The following LAMC3 variants were observed in gnomAD, a reference collection of about 807,000 sequenced individuals.
LAMC3 encodes the protein laminin subunit gamma-3.
A neutral mutation model predicts 173.8 loss-of-function variants in LAMC3; 128 were observed. That is an observed-to-expected ratio of 0.74 (90% CI 0.64 to 0.85). The LOEUF is 0.85. Ranked by LOEUF, LAMC3 falls within the 40% of genes least tolerant of loss-of-function variation. The pLI is 0.00. For missense variants in LAMC3, 2,022 were observed against 2,156.0 expected (o/e 0.94, Z 1.23); for synonymous variants, 897 against 909.1 (o/e 0.99, Z 0.24).
intron 1 of LAMC3, among the ~76,000 whole-genome samples, chr9:131,019,589 G>T (rs1256902000): frequency 1.3e-5 from 2 of 152,184 alleles, no homozygotes; most frequent in East Asian, 1.9e-4. Context: ...TATGTGCCAC[G>T]TGCTTTGCCA....
At chr9:131,061,615 C>T (rs1236688870) in intron 13 of LAMC3, among the ~76,000 whole-genome samples, 1 of 152,218 alleles carries the variant, frequency 6.6e-6, no homozygotes, top group African/African-American at 2.4e-5. Context: ...ATGTGCAAAG[C>T]AGAACCACCT....
At chr9:131,031,853 C>T (rs182485625) in intron 2 of LAMC3, among the ~76,000 whole-genome samples, 192 bp from the exon 3 acceptor site, 280 of 152,340 alleles carry the variant, frequency 1.8e-3, no homozygotes, top group Non-Finnish European at 2.8e-3. Flanking sequence ...AGTAGCCTAG[C>T]ACCCAGGTTG....
intron 1 of LAMC3, among the ~76,000 whole-genome samples, chr9:131,022,751 TA>T (rs1254386865): frequency 6.6e-6 from 1 of 151,942 alleles, no homozygotes; most frequent in African/African-American, 2.4e-5. Flanking sequence ...TTTATTTATT[TA>T]TTTTTTGTAG....
chr9:131,026,934 A>T lies in LAMC3; in HGVS notation c.678+345A>T, dbSNP rs1220336261. ...GCCATGTTGGCCAGGCTGGTCTTGA[A>T]CTCCTGACATTAAGCGATCCACCTG... On this transcript the variant is annotated intron_variant, in intron 2 of 27. Coordinates refer to ENST00000361069, the MANE Select transcript of LAMC3 (RefSeq NM_006059.4). This position sits in a 1 kb window ranked among gnomAD's most constrained non-coding sequence, Gnocchi z 4.8. 6.6e-6 allele frequency among the ~76,000 whole-genome samples: 1 copy of T among 150,564 alleles called. No individual in the cohort carries two copies. Among genetic ancestry groups the T allele is most frequent in the Non-Finnish European group, 1.5e-5 (1 of 67,630 alleles).
Position 131,079,726 on chromosome 9 carries a change from A to G in LAMC3, c.3927+428A>G, listed in dbSNP as rs139274028. On this transcript the variant is annotated intron_variant, in intron 23 of 27. Transcript: ENST00000361069. ...GAAAAAAGAAGAAGTAGCTCTGTCC[A>G]TCCCTCTGGTGCCTCCTGCAAAACT... 4.4e-3 allele frequency among the ~76,000 whole-genome samples: 665 copies of G among 152,048 alleles called. 2 individuals are homozygous for G. The highest frequency in any genetic ancestry group is 0.031 in the Middle Eastern group (9 of 294).
chr9:131,012,061 A>ACG (rs1491293697), intron 1 of LAMC3, among the ~76,000 whole-genome samples: 1 of 138,594 alleles, frequency 7.2e-6, no homozygotes, highest in Admixed American at 7.1e-5. Flanking sequence ...ACACACACAC[A>ACG]TACACACACA....
chr9:131,089,813 G>A (rs1488979718), intron 27 of LAMC3, among the ~76,000 whole-genome samples: 1 of 152,102 alleles, frequency 6.6e-6, no homozygotes, highest in Admixed American at 6.6e-5. Flanking sequence ...TGCTCTACAC[G>A]TTGTCTGGAC....
At chr9:131,014,040 C>A (rs1427858343) in intron 1 of LAMC3, among the ~76,000 whole-genome samples, 1 of 152,230 alleles carries the variant, frequency 6.6e-6, no homozygotes, top group Non-Finnish European at 1.5e-5. Context: ...GGCTGGTTAG[C>A]CTCCATCCAC....
intron 16 of LAMC3, among the ~76,000 whole-genome samples, chr9:131,069,413 A>G (rs1830000314): frequency 6.6e-6 from 1 of 152,106 alleles, no homozygotes. Flanking sequence ...TCACCTGTAG[A>G]GTTGGGCTGC....
In LAMC3 at chr9:131,067,006, G is replaced by T. The variant is rs1829947511; in HGVS notation, c.2394G>T (p.Leu798=). ...VCDDGFFGDP[L]GLFGHPQPCH... ...ATGATGGCTTTTTTGGGGACCCGCT[G>T]GGGCTCTTTGGGCACCCCCAGCCCT... The change falls in exon 14 of 28, where the codon CTG becomes CTT. Residue 798 remains leucine, a synonymous_variant. Coordinates refer to ENST00000361069, the MANE Select transcript of LAMC3 (RefSeq NM_006059.4). 6.2e-7 allele frequency: 1 copy of T among 1,613,872 alleles called. No individual in the cohort carries two copies. Among genetic ancestry groups the T allele is most frequent in the Non-Finnish European group, 8.5e-7 (1 of 1,180,012 alleles).
At chr9:131,087,439 T>C in intron 25 of LAMC3, 37 bp from the exon 26 acceptor site, 1 of 1,613,168 alleles carries the variant, frequency 6.2e-7, no homozygotes. Flanking sequence ...CTTGCTGCAC[T>C]CACTTCTTCT....
chr9:131,009,181 G>A lies in LAMC3; in HGVS notation c.-34G>A, dbSNP rs1833354097. 8 of 1,178,136 alleles carry A rather than the reference G, an allele frequency of 6.8e-6. No homozygotes were observed. Among genetic ancestry groups the A allele is most frequent in the Non-Finnish European group, 8.4e-6 (8 of 955,874 alleles). 73.0% of individuals were successfully genotyped at this position (1,178,136 alleles called of 1,614,324 possible). ...TCCGCGCCCACCCTAGCCGAGCGGG[G>A]CCGGCAGAGCGCGCGGCGTCGGTGC... On this transcript the variant is annotated 5_prime_UTR_variant, in exon 1 of 28. Coordinates refer to ENST00000361069, the MANE Select transcript of LAMC3 (RefSeq NM_006059.4). The surrounding 1 kb of genome is among the most constrained non-coding windows in gnomAD (Gnocchi z 4.3).
chr9:131,089,868 T>C (rs1830394021), intron 27 of LAMC3, among the ~76,000 whole-genome samples: 1 of 152,236 alleles, frequency 6.6e-6, no homozygotes, highest in African/African-American at 2.4e-5. Flanking sequence ...CTTACAGAAT[T>C]CTCATACTCA....
intron 1 of LAMC3, among the ~76,000 whole-genome samples, chr9:131,017,719 C>CAAA (rs34153382): frequency 2.9e-5 from 1 of 35,060 alleles, no homozygotes; most frequent in Non-Finnish European, 4.9e-5. Flanking sequence ...AAGACTGTCT[C>CAAA]AAAAAAAAAA....
chr9:131,032,414 C>T (rs1833841607), intron 3 of LAMC3, among the ~76,000 whole-genome samples: 1 of 152,002 alleles, frequency 6.6e-6, no homozygotes, highest in Non-Finnish European at 1.5e-5. Context: ...CCCATTGTCC[C>T]CTCAGCCTGG....
chr9:131,078,785 A>G (rs1830179072), intron 22 of LAMC3, among the ~76,000 whole-genome samples: 1 of 152,200 alleles, frequency 6.6e-6, no homozygotes, highest in African/African-American at 2.4e-5. Context: ...AAGCATTCCC[A>G]CTTTGCAGTG....
chr9:131,079,608 C>T (rs1430597943), intron 23 of LAMC3, among the ~76,000 whole-genome samples: 7 of 152,054 alleles, frequency 4.6e-5, no homozygotes, highest in Non-Finnish European at 8.8e-5. Flanking sequence ...GCAGGAGAAT[C>T]GCTTGAACCC....
chr9:131,083,555 C>T (rs1830278088), intron 24 of LAMC3, among the ~76,000 whole-genome samples: 1 of 152,178 alleles, frequency 6.6e-6, no homozygotes, highest in African/African-American at 2.4e-5. Context: ...AGTTTAGGAA[C>T]TGTCTCTTGC....
chr9:131,052,333 G>A (rs1003489312), intron 9 of LAMC3, among the ~76,000 whole-genome samples, 158 bp from the exon 10 acceptor site: 6 of 152,304 alleles, frequency 3.9e-5, no homozygotes, highest in African/African-American at 1.4e-4. Flanking sequence ...AGGTGTGGGT[G>A]GGCCCCCTGC....
Sources: allele counts gnomAD v4.1 joint callset (sites outside exome capture counted in the v4.1 genomes callset), GRCh38; gene constraint gnomAD v4.1.1; non-coding constraint Gnocchi (gnomAD v3.1); transcripts MANE v1.5; gene names NCBI Gene and HGNC (gene_info 2026-07-23, HGNC 2026-07-21).